ELMOD2: variants seen among roughly 807,000 people sequenced by gnomAD.
ELMOD2 encodes ELMO domain-containing protein 2.
ELMOD2 carries 28 observed loss-of-function variants against 41.0 expected under a neutral mutation model. The ratio of observed to expected loss-of-function variants is 0.68; its 90% CI spans 0.51 to 0.94. The LOEUF is 0.94. ELMOD2 is among the 40% of genes least tolerant of loss of function. The pLI is 0.00. For synonymous variants in ELMOD2, 106 were observed against 107.2 expected, an observed-to-expected ratio of 0.99 and a Z score of 0.07; for missense variants, 333 against 343.1, an observed-to-expected ratio of 0.97 and a Z score of 0.23.
chr4:140,547,333 T>A (rs1459737963), intron 8 of ELMOD2, among the ~76,000 whole-genome samples: 1 of 152,184 alleles, frequency 6.6e-6, no homozygotes, highest in Admixed American at 6.5e-5. Flanking sequence ...GTTTGTAGTT[T>A]AGCTTTTTAG....
intron 8 of ELMOD2, among the ~76,000 whole-genome samples, chr4:140,545,928 T>C (rs899663469): frequency 5.9e-5 from 9 of 152,156 alleles, no homozygotes; most frequent in African/African-American, 2.2e-4. Context: ...GACAGTGTGG[T>C]GATTCCTCAG....
intron 5 of ELMOD2, among the ~76,000 whole-genome samples, chr4:140,538,677 T>C (rs1735008544): frequency 6.6e-6 from 1 of 152,164 alleles, no homozygotes; most frequent in African/African-American, 2.4e-5. Flanking sequence ...CCAGGGAATT[T>C]TACCTTGGTG....
intron 3 of ELMOD2, among the ~76,000 whole-genome samples, chr4:140,528,178 A>G (rs1309386408): frequency 6.6e-6 from 1 of 152,254 alleles, no homozygotes; most frequent in African/African-American, 2.4e-5. Flanking sequence ...AAAACAAGTT[A>G]CATGGCCAAG....
At chr4:140,537,577 C>T (rs777660136) in intron 5 of ELMOD2, 36 bp downstream of exon 5, 20 of 1,588,804 alleles carry the variant, frequency 1.3e-5, no homozygotes, top group South Asian at 5.9e-5. Flanking sequence ...AGTTGTTGAA[C>T]GCTAGAAAAA....
chr4:140,525,400 T>C lies in ELMOD2; in HGVS notation c.-9-20T>C, dbSNP rs1350800699. 8 of 1,609,054 alleles carry C rather than the reference T, an allele frequency of 5.0e-6. No homozygotes were observed. Among genetic ancestry groups the C allele is most frequent in the African/African-American group, 2.7e-5 (2 of 74,434 alleles). ...CAGTTTAAGGTCATTAAGCTTGTCT[T>C]GTATGTTTCCCTCCTCCAGGAAAAA... On this transcript the variant is annotated intron_variant, in intron 1 of 8. Coordinates refer to ENST00000323570, the MANE Select transcript of ELMOD2 (RefSeq NM_153702.4).
chr4:140,542,809 A>G (rs1735151772), intron 7 of ELMOD2, among the ~76,000 whole-genome samples, 167 bp downstream of exon 7: 1 of 151,970 alleles, frequency 6.6e-6, no homozygotes, highest in African/African-American at 2.4e-5. Context: ...ATGTGATTGT[A>G]AACCAATTTT....
At chr4:140,539,522 A>G (rs1212686998) in intron 5 of ELMOD2, among the ~76,000 whole-genome samples, 1 of 151,608 alleles carries the variant, frequency 6.6e-6, no homozygotes, top group Non-Finnish European at 1.5e-5. Flanking sequence ...AATTTTTTGT[A>G]TTTTTAGTGG....
chr4:140,533,994 A>T (rs1177886849), intron 3 of ELMOD2, among the ~76,000 whole-genome samples: 1 of 152,154 alleles, frequency 6.6e-6, no homozygotes, highest in African/African-American at 2.4e-5. Context: ...GGAGCAGAAG[A>T]TGATATTATC....
chr4:140,548,152 G>T (rs1735352036), intron 8 of ELMOD2, among the ~76,000 whole-genome samples: 2 of 152,074 alleles, frequency 1.3e-5, no homozygotes, highest in Non-Finnish European at 1.5e-5. Flanking sequence ...ATTTGAATGG[G>T]CCACATTACT....
chr4:140,548,874 A>G (rs947761780), intron 8 of ELMOD2, among the ~76,000 whole-genome samples: 6 of 152,092 alleles, frequency 3.9e-5, no homozygotes, highest in African/African-American at 7.2e-5. Flanking sequence ...TTGTTAAGGT[A>G]TATGATAAAC....
intron 3 of ELMOD2, among the ~76,000 whole-genome samples, chr4:140,531,962 A>C (rs1180499221): frequency 6.6e-6 from 1 of 152,220 alleles, no homozygotes; most frequent in African/African-American, 2.4e-5. Flanking sequence ...TACCACTATT[A>C]CATTAACTCC....
chr4:140,535,747 G>A lies in ELMOD2; in HGVS notation c.186G>A (p.Ala62=), dbSNP rs1354648963. The stretch of plus-strand genomic sequence containing the variant: ...TACATAAATAGGTTTTACAGAAGGC[G>A]ACACATGTTGTTCAGAGTGAAGTGG... The part of the protein sequence containing the change: ...TYSKNKVLQK[A]THVVQSEVDK... Residue 62 remains alanine, a synonymous_variant, in exon 4 of 9, where the codon GCG becomes GCA. Transcript: ENST00000323570. 23 of 1,609,364 alleles carry A rather than the reference G, an allele frequency of 1.4e-5. No individual in the cohort carries two copies. The highest frequency in any genetic ancestry group is 2.2e-5 in the East Asian group (1 of 44,784).
intron 6 of ELMOD2, among the ~76,000 whole-genome samples, chr4:140,542,115 G>T (rs1325829240): frequency 1.3e-5 from 2 of 151,776 alleles, no homozygotes; most frequent in African/African-American, 4.8e-5. Context: ...GATGAAGGAG[G>T]TTTCTCATTG....
chr4:140,537,267 T>G (rs1481567076), intron 4 of ELMOD2, 145 bp from the exon 5 acceptor site: 5 of 608,616 alleles, frequency 8.2e-6, no homozygotes, highest in Non-Finnish European at 1.3e-5. Flanking sequence ...ACATAATGTT[T>G]TGTATTTAAG....
chr4:140,546,077 G>A (rs989941444), intron 8 of ELMOD2, among the ~76,000 whole-genome samples: 5 of 152,070 alleles, frequency 3.3e-5, no homozygotes, highest in African/African-American at 1.2e-4. Context: ...CAAAGACTTG[G>A]AACCAACCCA....
chr4:140,551,405 T>G lies in ELMOD2; in HGVS notation c.*1030T>G, dbSNP rs1335172629. 6.6e-6 allele frequency: 1 copy of G among 152,046 alleles called. No homozygotes were observed. The highest frequency in any genetic ancestry group is 1.5e-5 in the Non-Finnish European group (1 of 67,920). 9.4% of individuals were successfully genotyped at this position (152,046 alleles called of 1,614,324 possible). A position where few individuals can be genotyped will look rare whatever the true frequency, so the allele number is the denominator to read the frequency against. On this transcript the variant is annotated 3_prime_UTR_variant, in exon 9 of 9. Transcript: ENST00000323570. Reference sequence around the variant, plus strand: ...TTTTTAGATAACCATGTATGAACTTTATGTTAATGGTTTGTGGGATACTAA... The same window carrying G: ...TTTTTAGATAACCATGTATGAACTTGATGTTAATGGTTTGTGGGATACTAA...
Position 140,551,639 on chromosome 4 carries a change from A to G in ELMOD2, c.*1264A>G, listed in dbSNP as rs1735473147. 1 of 152,128 alleles carries G rather than the reference A, an allele frequency of 6.6e-6. No homozygotes were observed. The highest frequency in any genetic ancestry group is 1.5e-5 in the Non-Finnish European group (1 of 67,958). The allele number at this position is 152,128 out of a possible 1,614,324, so 9.4% of individuals were successfully genotyped here. ...TAAGTTCTCCTTAAATCCTACAGAA[A>G]CCAACCTTTTAAGGACATAATTTCA... On this transcript the variant is annotated 3_prime_UTR_variant, in exon 9 of 9. Transcript: ENST00000323570.
intron 1 of ELMOD2, chr4:140,524,563 T>G: frequency 1.0e-6 from 1 of 984,890 alleles, no homozygotes; most frequent in South Asian, 4.7e-5. Context: ...GGCTTGATTT[T>G]CAAGATAATG....
chr4:140,535,317 T>C lies in ELMOD2; in HGVS notation c.172-416T>C, dbSNP rs191431604. The C allele has an allele frequency of 2.3e-3, 379 of 161,806 alleles. 6 individuals carry two copies. The highest frequency in any genetic ancestry group is 0.021 in the Admixed American group (324 of 15,390). 10.0% of individuals were successfully genotyped at this position (161,806 alleles called of 1,614,324 possible). A position where few individuals can be genotyped will look rare whatever the true frequency, so the allele number is the denominator to read the frequency against. On this transcript the variant is annotated intron_variant, in intron 3 of 8. Transcript: ENST00000323570. ...CAAATTTGATCTGATTTTGTTTTTG[T>C]CAATGCCAGTTTGTTACCAGTGGTG...
Sources: gnomAD v4.1 joint callset for allele counts (sites outside exome capture counted in the v4.1 genomes callset) on GRCh38, gnomAD v4.1.1 for gene constraint, MANE v1.5 for transcripts, NCBI Gene and HGNC (gene_info 2026-07-23, HGNC 2026-07-21) for gene names.